The following SLC36A4 variants were observed in gnomAD, a reference collection of about 807,000 sequenced individuals.
The protein encoded by SLC36A4 is solute carrier family 36 member 4.
In SLC36A4, 49 loss-of-function variants were observed where a neutral mutation model predicts 50.5. The observed-to-expected ratio is 0.97, with a 90% confidence interval of 0.77 to 1.23. The LOEUF (loss-of-function observed/expected upper bound fraction) is 1.23, where lower values mean the gene tolerates loss of function less well. Ranked by LOEUF, SLC36A4 falls within the 50% of genes most tolerant of loss-of-function variation. SLC36A4 has a pLI of 0.00. For missense variants in SLC36A4, 611 were observed against 608.4 expected (o/e 1.00, Z -0.05); for synonymous variants, 207 against 206.5 (o/e 1.00, Z -0.02).
In SLC36A4 at chr11:93,145,577, C is replaced by A. The variant is rs1859831493; in HGVS notation, c.*2960G>T. ...TTGGGTGTAAGGGAACAGTGATTAA[C>A]TGACTTGGAACGGAGCTCATTAGAG... On this transcript the variant is annotated 3_prime_UTR_variant, in exon 11 of 11. Coordinates refer to ENST00000326402, the MANE Select transcript of SLC36A4 (RefSeq NM_152313.4). The A allele has an allele frequency of 6.6e-6, 1 of 152,110 alleles. No homozygotes were observed. Among genetic ancestry groups the A allele is most frequent in the Non-Finnish European group, 1.5e-5 (1 of 67,996 alleles). The allele number at this position is 152,110 out of a possible 1,614,324, so 9.4% of individuals were successfully genotyped here.
At chr11:93,154,985 C>T (rs1860283842) in intron 9 of SLC36A4, 1 of 152,020 alleles carries the variant, frequency 6.6e-6, no homozygotes, top group Admixed American at 6.6e-5. Context: ...TTATGGATAA[C>T]CTCCTGTCAA....
intron 1 of SLC36A4, chr11:93,197,470 C>G: frequency 2.1e-6 from 1 of 468,052 alleles, no homozygotes; most frequent in Non-Finnish European, 3.8e-6. Flanking sequence ...TGAGTCACGG[C>G]GCAGGCTCTT....
chr11:93,148,340 C>T lies in SLC36A4; in HGVS notation c.*197G>A, dbSNP rs1250978719. ...CAGAACTTAATTTTTTGAACTATTGCTAACACTTAAAAGCAAGGATTTTTC... is the reference window on the plus strand; with the variant it reads ...CAGAACTTAATTTTTTGAACTATTGTTAACACTTAAAAGCAAGGATTTTTC... On this transcript the variant is annotated 3_prime_UTR_variant, in exon 11 of 11. Transcript: ENST00000326402. 5 of 434,354 alleles carry T rather than the reference C, an allele frequency of 1.2e-5. No homozygotes were observed. The highest frequency in any genetic ancestry group is 1.6e-5 in the Non-Finnish European group (4 of 249,994). 26.9% of individuals were successfully genotyped at this position (434,354 alleles called of 1,614,324 possible).
intron 10 of SLC36A4, among the ~76,000 whole-genome samples, 170 bp from the exon 11 acceptor site, chr11:93,149,014 G>C (rs969802424): frequency 2.6e-5 from 4 of 151,976 alleles, no homozygotes; most frequent in African/African-American, 9.7e-5. Context: ...TTCTAAGCTA[G>C]AGAGAGACAG....
intron 1 of SLC36A4, among the ~76,000 whole-genome samples, chr11:93,186,561 C>G (rs1861990807): frequency 6.6e-6 from 1 of 152,038 alleles, no homozygotes; most frequent in Admixed American, 6.6e-5. Flanking sequence ...TTAAGTGGTA[C>G]TCTCTGACTT....
At chr11:93,174,163 A>T (rs1467912702) in intron 6 of SLC36A4, among the ~76,000 whole-genome samples, 1 of 149,508 alleles carries the variant, frequency 6.7e-6, no homozygotes, top group African/African-American at 2.5e-5. Flanking sequence ...GGTCCTTCAC[A>T]TCCCTTGTAA....
At chr11:93,189,438 C>T (rs995622488) in intron 1 of SLC36A4, among the ~76,000 whole-genome samples, 2 of 151,784 alleles carry the variant, frequency 1.3e-5, no homozygotes, top group Non-Finnish European at 2.9e-5. Flanking sequence ...GCTATGACAA[C>T]ATATAAATTG....
intron 8 of SLC36A4, 67 bp downstream of exon 8, chr11:93,165,851 G>A (rs1235273289): frequency 1.8e-5 from 17 of 935,276 alleles, no homozygotes; most frequent in Admixed American, 5.3e-5. Context: ...TTAAATACAG[G>A]TAGGCTATAT....
chr11:93,174,729 T>C (rs1861370139), intron 6 of SLC36A4, among the ~76,000 whole-genome samples: 2 of 145,188 alleles, frequency 1.4e-5, no homozygotes. Context: ...TCTTTGGCTC[T>C]GTTTATATGC....
At chr11:93,175,868 C>G (rs200352268) in intron 6 of SLC36A4, among the ~76,000 whole-genome samples, 7,802 of 76,088 alleles carry the variant, frequency 0.1, 239 homozygotes, top group South Asian at 0.26. Flanking sequence ...TTACTTCCAA[C>G]TATGTGGTCA....
intron 6 of SLC36A4, among the ~76,000 whole-genome samples, chr11:93,174,604 T>G (rs1861362074): frequency 6.9e-6 from 1 of 144,736 alleles, no homozygotes; most frequent in South Asian, 2.4e-4. Flanking sequence ...TAGCTCTTAT[T>G]ATTTTGAAAT....
chr11:93,150,725 G>A (rs1367738928), intron 10 of SLC36A4, among the ~76,000 whole-genome samples: 1 of 151,872 alleles, frequency 6.6e-6, no homozygotes, highest in Non-Finnish European at 1.5e-5. Flanking sequence ...TGCTCTCTAG[G>A]GAGCTATAGA....
rs751731038 is a variant in SLC36A4 at position 93,166,014 on chromosome 11, G to A, written c.771C>T (p.Asn257=). Residue 257 remains asparagine, a splice_region_variant and synonymous_variant, in exon 8 of 11, where the codon AAC becomes AAT. Coordinates refer to ENST00000326402, the MANE Select transcript of SLC36A4 (RefSeq NM_152313.4). The part of the protein sequence containing the change: ...LVIIYQYVVR[N]MPDPHNLPIV... ...TTGGAAGGTTGTGGGGATCTGGCAT[G>A]TTCTAAAGAAAGGAAGAAAAAAAGA... 4.4e-6 allele frequency: 7 copies of A among 1,595,148 alleles called. No individual in the cohort carries two copies. The South Asian group carries it at 4.6e-5, about 10-fold the overall frequency.
At chr11:93,195,617 T>C (rs1350151140) in intron 1 of SLC36A4, among the ~76,000 whole-genome samples, 1 of 152,194 alleles carries the variant, frequency 6.6e-6, no homozygotes, top group Non-Finnish European at 1.5e-5. Context: ...GTTCAAACCC[T>C]GCATTGTTCT....
rs187802981 is a variant in SLC36A4, at chr11:93,186,612, T to C, written c.56-798A>G. Among the ~76,000 whole-genome samples, 121 of 152,334 alleles carry C rather than the reference T, an allele frequency of 7.9e-4. 1 individual carries two copies. Among genetic ancestry groups the C allele is most frequent in the Middle Eastern group, 6.8e-3 (2 of 294 alleles). On this transcript the variant is annotated intron_variant, in intron 1 of 10. Coordinates refer to ENST00000326402, the MANE Select transcript of SLC36A4 (RefSeq NM_152313.4). The stretch of plus-strand genomic sequence containing the variant: ...ACAACAATTAATAATTTAATTCTAG[T>C]TTTTCCTGTCTCTGTTCCTTAGTTT...
chr11:93,195,586 G>A (rs1230445775), intron 1 of SLC36A4, among the ~76,000 whole-genome samples: 2 of 152,104 alleles, frequency 1.3e-5, no homozygotes, highest in East Asian at 3.9e-4. Flanking sequence ...TTTAAAACAA[G>A]GCAGATCATG....
chr11:93,149,457 A>T (rs10466352), intron 10 of SLC36A4, among the ~76,000 whole-genome samples: 101,572 of 151,812 alleles, frequency 0.67, 34,102 homozygotes, highest in East Asian at 0.81. Flanking sequence ...TGGAGAAATA[A>T]GTCAACAGAC....
chr11:93,168,001 G>A lies in SLC36A4; in HGVS notation c.711C>T (p.Phe237=). The part of the protein sequence containing the change: ...RELKNLFVLS[F]LANVSMAVSL... Reference sequence around the variant, plus strand: ...TGACAGCCATGGAAACGTTGGCAAGGAATGAAAGTACAAATAGATTCTTTA... The same window carrying A: ...TGACAGCCATGGAAACGTTGGCAAGAAATGAAAGTACAAATAGATTCTTTA... The change falls in exon 7 of 11, where the codon TTC becomes TTT. Residue 237 remains phenylalanine, a synonymous_variant. Coordinates refer to ENST00000326402, the MANE Select transcript of SLC36A4 (RefSeq NM_152313.4). 5.6e-6 allele frequency: 9 copies of A among 1,612,278 alleles called. No homozygotes were observed. Among genetic ancestry groups the A allele is most frequent in the Non-Finnish European group, 6.8e-6 (8 of 1,178,972 alleles).
intron 1 of SLC36A4, among the ~76,000 whole-genome samples, chr11:93,187,273 T>C (rs904589109): frequency 6.6e-6 from 1 of 152,216 alleles, no homozygotes; most frequent in Non-Finnish European, 1.5e-5. Context: ...GTCTTTAAAG[T>C]CTAGTAACTT....
Sources: allele counts gnomAD v4.1 joint callset (sites outside exome capture counted in the v4.1 genomes callset), GRCh38; gene constraint gnomAD v4.1.1; transcripts MANE v1.5; gene names NCBI Gene and HGNC (gene_info 2026-07-23, HGNC 2026-07-21).